NDUFAF7: variants seen among roughly 807,000 people sequenced by gnomAD.
The protein encoded by NDUFAF7 is NADH:ubiquinone oxidoreductase complex assembly factor 7.
Under a neutral mutation model 47.2 loss-of-function variants are expected in NDUFAF7, and 48 were observed. The observed-to-expected ratio is 1.02, with a 90% confidence interval of 0.81 to 1.29. The LOEUF is 1.29. Among genes scored for constraint, NDUFAF7 ranks in the 50% most tolerant of loss-of-function variants. The pLI is 0.00. For synonymous variants in NDUFAF7, 217 were observed against 190.0 expected, an observed-to-expected ratio of 1.14 and a Z score of -1.17; for missense variants, 635 against 537.6, an observed-to-expected ratio of 1.18 and a Z score of -1.79.
chr2:37,269,515 C>G, the NDUFAF7 span: 4 of 1,038,366 alleles, frequency 3.9e-6, no homozygotes, highest in African/African-American at 4.8e-5. Context: ...AAAAAAGGCA[C>G]TGGACAAAAC....
At chr2:37,258,362 T>A (rs1156899838), downstream of NDUFAF7, among the ~76,000 whole-genome samples, 2 of 152,212 alleles carry the variant, frequency 1.3e-5, no homozygotes, top group Non-Finnish European at 2.9e-5. Context: ...TACAAACTCT[T>A]TTTTTGTTGT....
At chr2:37,233,401 G>A (rs1286729375) in intron 2 of NDUFAF7, among the ~76,000 whole-genome samples, 1 of 152,184 alleles carries the variant, frequency 6.6e-6, no homozygotes, top group Non-Finnish European at 1.5e-5. Context: ...AGGCCAAGGC[G>A]GGTGGATCAC....
chr2:37,256,517 G>A, downstream of NDUFAF7: 3 of 1,104,630 alleles, frequency 2.7e-6, no homozygotes, highest in South Asian at 1.9e-5. Context: ...CAAAAAACTG[G>A]TAACTAGTTG....
chr2:37,269,502 T>TA, the NDUFAF7 span: 144 of 838,104 alleles, frequency 1.7e-4, no homozygotes, highest in Non-Finnish European at 2.1e-4. Context: ...AGTCAGCCTT[T>TA]AAAAAAAAGG....
Position 37,246,120 on chromosome 2 carries a change from A to C in NDUFAF7, c.861A>C (p.Gln287His). The C allele has an allele frequency of 1.2e-6, 2 of 1,613,932 alleles. No individual in the cohort carries two copies. The highest frequency in any genetic ancestry group is 1.7e-6 in the Non-Finnish European group (2 of 1,179,872). The change falls in exon 8 of 10, where the codon CAA becomes CAC. Residue 287 changes from glutamine to histidine, a missense_variant. Physicochemically the swap from Gln to His is conservative, Grantham distance 24. Transcript: ENST00000002125. ...DAGVIIEELS[Q>H]RIALTGGAAL... is the part of the protein sequence containing the mutation. ...GTGTTATCATCGAGGAACTTTCTCA[A>C]CGCATTGCATTAACTGGAGGTGCTG...
At chr2:37,249,641 G>C (rs1280331743), downstream of NDUFAF7, among the ~76,000 whole-genome samples, 5 of 59,556 alleles carry the variant, frequency 8.4e-5, no homozygotes, top group Admixed American at 5.0e-4. Context: ...GCCTGTGATA[G>C]AGACACACAC....
downstream of NDUFAF7, chr2:37,256,595 GAAAGATGTTTAGGCTTA>G: frequency 7.0e-7 from 1 of 1,422,320 alleles, no homozygotes; most frequent in Non-Finnish European, 9.2e-7. Flanking sequence ...TTTGGGATGA[GAAAGATGTTTAGGCTTA>G]AAACACATAG....
chr2:37,260,602 T>C, the NDUFAF7 span, among the ~76,000 whole-genome samples: 3 of 152,354 alleles, frequency 2.0e-5, no homozygotes, highest in East Asian at 5.8e-4. Context: ...TAGAATGTTC[T>C]CCTAATTTGA....
Position 37,237,831 on chromosome 2 carries a change from C to G in NDUFAF7, c.372C>G (p.Gly124=). The change falls in exon 4 of 10, where the codon GGC becomes GGG. Residue 124 remains glycine (G), a synonymous_variant. Transcript: ENST00000002125. ...CAGCTTTCCAGCTGGTGGAACTGGG[C>G]CCAGGTAGGGGAACCCTCGTGGGAG... ...KSTAFQLVEL[G]PGRGTLVGDI... 1 of 1,613,276 alleles carries G rather than the reference C, an allele frequency of 6.2e-7. No individual in the cohort carries two copies. The highest frequency in any genetic ancestry group is 8.5e-7 in the Non-Finnish European group (1 of 1,179,442).
At position 37,241,650 on chromosome 2, in the gene NDUFAF7, TTAAG is replaced by T; in HGVS notation, c.483_486del (p.Ser162ArgfsTer5). On this transcript the variant is annotated frameshift_variant, in exon 5 of 10. Transcript: ENST00000002125. LOFTEE classifies it high-confidence loss of function. ...ACATCTGGTAGAGGTAAGCCAAAAA[TTAAG>T]TGAGATTCAAGCATTGACACTGACT... The T allele has an allele frequency of 6.2e-7, 1 of 1,613,876 alleles. No homozygotes were observed.
chr2:37,237,602 A>T (rs1041836322), intron 3 of NDUFAF7, among the ~76,000 whole-genome samples, 155 bp from the exon 4 acceptor site: 2 of 152,244 alleles, frequency 1.3e-5, no homozygotes, highest in African/African-American at 4.8e-5. Context: ...GGAAGTTCCT[A>T]TGTGAACATG....
chr2:37,265,488 T>TACAC, the NDUFAF7 span, among the ~76,000 whole-genome samples: 21 of 150,152 alleles, frequency 1.4e-4, no homozygotes, highest in South Asian at 6.3e-4. Flanking sequence ...ATCTTTATAC[T>TACAC]ACACACACAC....
chr2:37,257,565 C>A (rs2148485222), downstream of NDUFAF7, among the ~76,000 whole-genome samples: 1 of 147,834 alleles, frequency 6.8e-6, no homozygotes, highest in African/African-American at 2.5e-5. Context: ...ACTTGGGAGG[C>A]TGAAGCAGGA....
the NDUFAF7 span, chr2:37,267,929 T>C: frequency 8.8e-5 from 17 of 193,854 alleles, no homozygotes; most frequent in Non-Finnish European, 1.5e-4. Flanking sequence ...TTTAACCATG[T>C]ACCCACAAAC....
At chr2:37,251,705 C>G (rs902763077), downstream of NDUFAF7, 1 of 151,604 alleles carries the variant, frequency 6.6e-6, no homozygotes, top group African/African-American at 2.4e-5. Flanking sequence ...TCATACATAT[C>G]TGATCTTCAC....
chr2:37,259,106 C>T, the NDUFAF7 span, among the ~76,000 whole-genome samples: 4 of 151,422 alleles, frequency 2.6e-5, no homozygotes, highest in Admixed American at 2.0e-4. Flanking sequence ...TACATGTAGC[C>T]AGGACACAGA....
At chr2:37,236,264 C>A in intron 3 of NDUFAF7, 88 bp downstream of exon 3, 5 of 1,169,256 alleles carry the variant, frequency 4.3e-6, no homozygotes, top group Middle Eastern at 4.8e-4. Flanking sequence ...TGTTCTACAG[C>A]TTTTTTTGTG....
chr2:37,237,854 G>A lies in NDUFAF7; in HGVS notation c.395G>A (p.Gly132Glu), dbSNP rs751947102. Reference protein sequence around the residue: ...ELGPGRGTLVGDILRVFTQLG... With the variant: ...ELGPGRGTLVEDILRVFTQLG... The stretch of plus-strand genomic sequence containing the variant: ...GGCCCAGGTAGGGGAACCCTCGTGG[G>A]AGATATTTTGAGGGTAGGTAATAAA... The change falls in exon 4 of 10, where the codon GGA (glycine) becomes GAA (glutamate). Residue 132 changes from glycine (G) to glutamate (E), a missense_variant. Transcript: ENST00000002125. 14 of 1,604,324 alleles carry A rather than the reference G, an allele frequency of 8.7e-6. No homozygotes were observed. Among genetic ancestry groups the A allele is most frequent in the Non-Finnish European group, 1.2e-5 (14 of 1,171,250 alleles).
chr2:37,235,207 G>T (rs555374410), intron 2 of NDUFAF7, among the ~76,000 whole-genome samples: 1 of 152,002 alleles, frequency 6.6e-6, no homozygotes, highest in East Asian at 1.9e-4. Flanking sequence ...TGAAAAGGGA[G>T]AAGGGTGAGG....
Sources: allele counts gnomAD v4.1 joint callset (sites outside exome capture counted in the v4.1 genomes callset), GRCh38; gene constraint gnomAD v4.1.1; transcripts MANE v1.5; gene names NCBI Gene and HGNC (gene_info 2026-07-23, HGNC 2026-07-21).